Variants in NOVA1 observed in about 807,000 individuals in gnomAD.
The protein encoded by NOVA1 is NOVA alternative splicing regulator 1.
NOVA1 carries 7 observed loss-of-function variants against 38.0 expected under a neutral mutation model. That is an observed-to-expected ratio of 0.18 (90% CI 0.10 to 0.35). NOVA1 has a LOEUF of 0.35. Ranked by LOEUF, NOVA1 falls within the 10% of genes least tolerant of loss-of-function variation. NOVA1 has a pLI of 1.00. For missense variants in NOVA1, 460 were observed against 616.0 expected (o/e 0.75, Z 2.68); for synonymous variants, 270 against 232.5 (o/e 1.16, Z -1.47).
intron 4 of NOVA1, among the ~76,000 whole-genome samples, chr14:26,453,164 TTATGTATGTATGTATG>T (rs146403566): frequency 7.2e-5 from 9 of 125,132 alleles, no homozygotes; most frequent in South Asian, 5.1e-4. Flanking sequence ...ACTGCTTCAA[TTATGTATGTATGTATG>T]TATGTATGTA....
At chr14:26,554,987 T>A (rs1436751261) in intron 2 of NOVA1, among the ~76,000 whole-genome samples, 2 of 151,970 alleles carry the variant, frequency 1.3e-5, no homozygotes, top group Non-Finnish European at 2.9e-5. Context: ...AAATACTAGG[T>A]TTTACAGAAG....
At chr14:26,517,348 G>C (rs901784370) in intron 2 of NOVA1, among the ~76,000 whole-genome samples, 1 of 152,084 alleles carries the variant, frequency 6.6e-6, no homozygotes, top group Non-Finnish European at 1.5e-5. Flanking sequence ...TCCTCGGACA[G>C]GCCTTTACTG....
intron 2 of NOVA1, chr14:26,519,555 C>T (rs1416991084): frequency 2.0e-5 from 3 of 152,010 alleles, no homozygotes; most frequent in Non-Finnish European, 2.9e-5. Flanking sequence ...CTGTTAACAC[C>T]TATGCAAAAG....
At chr14:26,485,158 C>A (rs961567931) in intron 2 of NOVA1, among the ~76,000 whole-genome samples, 3 of 152,012 alleles carry the variant, frequency 2.0e-5, no homozygotes, top group African/African-American at 7.2e-5. Context: ...ATCTCCAGTG[C>A]CCAGAAGAGT....
intron 2 of NOVA1, among the ~76,000 whole-genome samples, chr14:26,488,791 C>T (rs899164039): frequency 2.6e-5 from 4 of 152,114 alleles, no homozygotes; most frequent in Non-Finnish European, 4.4e-5. Context: ...TCCACTCCCC[C>T]TCAATATCAC....
At chr14:26,587,839 C>G (rs1364688308) in intron 2 of NOVA1, among the ~76,000 whole-genome samples, 1 of 150,880 alleles carries the variant, frequency 6.6e-6, no homozygotes, top group Non-Finnish European at 1.5e-5. Context: ...TACTGAAATG[C>G]ACTACTATTG....
chr14:26,522,375 G>T (rs1372844978), intron 2 of NOVA1, among the ~76,000 whole-genome samples: 1 of 152,122 alleles, frequency 6.6e-6, no homozygotes, highest in East Asian at 1.9e-4. Flanking sequence ...TAGGGTTGGA[G>T]ATTTTGTTTT....
chr14:26,483,923 GT>G, intron 2 of NOVA1, among the ~76,000 whole-genome samples: 1 of 152,160 alleles, frequency 6.6e-6, no homozygotes, highest in Middle Eastern at 3.2e-3. Context: ...CAAGGACAGA[GT>G]TTTGGCACCA....
chr14:26,494,280 A>G (rs1188787219), intron 2 of NOVA1, among the ~76,000 whole-genome samples: 2 of 152,110 alleles, frequency 1.3e-5, no homozygotes, highest in Non-Finnish European at 2.9e-5. Flanking sequence ...TTTATGTCCT[A>G]TGGAGCAGGT....
At chr14:26,591,197 C>T (rs1893822684) in intron 2 of NOVA1, among the ~76,000 whole-genome samples, 1 of 151,362 alleles carries the variant, frequency 6.6e-6, no homozygotes, top group African/African-American at 2.4e-5. Flanking sequence ...TTCAGAGATA[C>T]TAATGTTTAA....
chr14:26,595,429 C>T lies in NOVA1; in HGVS notation c.261G>A (p.Lys87=), dbSNP rs1213867493. The change falls in exon 2 of 5, where the codon AAG becomes AAA. Residue 87 remains lysine, a synonymous_variant. Transcript: ENST00000539517. ...ACCTACCTGGGTAAAAATCTTTGGA[C>T]TTAGACAGCTTGATGGTGGCTCCAG... ...KETGATIKLS[K]SKDFYPGTTE... The T allele has an allele frequency of 1.9e-6, 3 of 1,613,700 alleles. No individual in the cohort carries two copies. The highest frequency in any genetic ancestry group is 2.7e-5 in the African/African-American group (2 of 74,894).
chr14:26,551,823 C>A (rs1278091043), intron 2 of NOVA1, among the ~76,000 whole-genome samples: 2 of 151,812 alleles, frequency 1.3e-5, no homozygotes, highest in African/African-American at 4.8e-5. Flanking sequence ...AGGTATTTTT[C>A]TGTAGATATA....
rs1882074681 is a variant in NOVA1, at chr14:26,446,422, G to C, written c.*1537C>G. The C allele has an allele frequency of 6.5e-6, 1 of 152,686 alleles. No homozygotes were observed. The highest frequency in any genetic ancestry group is 1.5e-5 in the Non-Finnish European group (1 of 68,066). The allele number at this position is 152,686 out of a possible 1,614,324, so 9.5% of individuals were successfully genotyped here. On this transcript the variant is annotated 3_prime_UTR_variant, in exon 5 of 5. Coordinates refer to ENST00000539517, the MANE Select transcript of NOVA1 (RefSeq NM_002515.3). ...GTTCTTTAATTGGTTGCACAGAAAG[G>C]AGCAGCTGGGATGCCATTTAGCTTG...
intron 2 of NOVA1, among the ~76,000 whole-genome samples, chr14:26,578,153 A>C (rs544709625): frequency 6.6e-6 from 1 of 152,172 alleles, no homozygotes; most frequent in African/African-American, 2.4e-5. Context: ...CTGACCACTG[A>C]ATAAAAAGTA....
At position 26,548,323 on chromosome 14, in the gene NOVA1, C is replaced by G. The variant is rs141277715; in HGVS notation, c.280+47087G>C. Among the ~76,000 whole-genome samples, 567 of 152,038 alleles carry G rather than the reference C, an allele frequency of 3.7e-3. 3 individuals are homozygous for G. Among genetic ancestry groups the G allele is most frequent in the African/African-American group, 0.013 (546 of 41,508 alleles). ...CTACCTACCTCATTTTACAAGTAAA[C>G]AAACTGTAGAATGAAGTTATTTTTT... On this transcript the variant is annotated intron_variant, in intron 2 of 4. Transcript: ENST00000539517.
At chr14:26,561,712 G>A (rs567279451) in intron 2 of NOVA1, among the ~76,000 whole-genome samples, 2 of 152,160 alleles carry the variant, frequency 1.3e-5, no homozygotes, top group South Asian at 4.1e-4. Context: ...TAAATTTCAA[G>A]TATTTGGCTA....
chr14:26,472,363 T>G lies in NOVA1; in HGVS notation c.476A>C (p.Lys159Thr). 1 of 1,562,002 alleles carries G rather than the reference T, an allele frequency of 6.4e-7. No individual in the cohort carries two copies. Among genetic ancestry groups the G allele is most frequent in the Non-Finnish European group, 8.7e-7 (1 of 1,150,830 alleles). Reference protein sequence around the residue: ...QTLPSSPTTTKSSPSDPMTTS... With the variant: ...QTLPSSPTTTTSSPSDPMTTS... Reference sequence around the variant, plus strand: ...GGTCATGGGATCAGATGGAGAGGACTTGGTGGTAGTTGGGGAAGATGGCAA... The same window carrying G: ...GGTCATGGGATCAGATGGAGAGGACGTGGTGGTAGTTGGGGAAGATGGCAA... Residue 159 changes from lysine to threonine, a missense_variant, in exon 4 of 5, where the codon AAG becomes ACG. Physicochemically the swap from Lys to Thr is moderately conservative, Grantham distance 78. Transcript: ENST00000539517.
chr14:26,597,270 G>C, intron 1 of NOVA1, 31 bp downstream of exon 1: 1 of 1,238,050 alleles, frequency 8.1e-7, no homozygotes, highest in Non-Finnish European at 1.0e-6. Context: ...GCGGGGGATG[G>C]GGCCAGCGGG....
rs532955463 is a variant in NOVA1, at chr14:26,450,142, A to C, written c.520-1179T>G. Reference sequence around the variant, plus strand: ...CCAGACATTAAAATGGGCAGGCTAAAAAAAGTGCTAAAATTTGAGCAGGAC... The same window carrying C: ...CCAGACATTAAAATGGGCAGGCTAACAAAAGTGCTAAAATTTGAGCAGGAC... On this transcript the variant is annotated intron_variant, in intron 4 of 4. Coordinates refer to ENST00000539517, the MANE Select transcript of NOVA1 (RefSeq NM_002515.3). 1.1e-4 allele frequency among the ~76,000 whole-genome samples: 16 copies of C among 152,270 alleles called. No individual in the cohort carries two copies. In the East Asian group the frequency reaches 3.1e-3, roughly 29 times the overall value.
Sources: gnomAD v4.1 joint callset for allele counts (sites outside exome capture counted in the v4.1 genomes callset) on GRCh38, gnomAD v4.1.1 for gene constraint, MANE v1.5 for transcripts, NCBI Gene and HGNC (gene_info 2026-07-23, HGNC 2026-07-21) for gene names.